RFX3: variants seen among roughly 807,000 people sequenced by gnomAD.
RFX3 encodes regulatory factor X3.
Under a neutral mutation model 98.6 loss-of-function variants are expected in RFX3, and 14 were observed. That is an observed-to-expected ratio of 0.14 (90% CI 0.09 to 0.22). The LOEUF is 0.22. Ranked by LOEUF, RFX3 falls within the 10% of genes least tolerant of loss-of-function variation. The pLI is 1.00. For synonymous variants in RFX3, 383 were observed against 328.4 expected (o/e 1.17, Z -1.80); for missense variants, 639 against 926.9 (o/e 0.69, Z 4.03).
intron 14 of RFX3, among the ~76,000 whole-genome samples, chr9:3,250,217 A>C: frequency 6.6e-6 from 1 of 152,022 alleles, no homozygotes; most frequent in East Asian, 1.9e-4. Flanking sequence ...ACCCATACTA[A>C]CAAAGACTTG....
At chr9:3,328,374 G>A (rs1405323075) in intron 4 of RFX3, among the ~76,000 whole-genome samples, 1 of 152,032 alleles carries the variant, frequency 6.6e-6, no homozygotes, top group African/African-American at 2.4e-5. Context: ...AAGCTAGGAG[G>A]AAACTAGGAA....
intron 6 of RFX3, among the ~76,000 whole-genome samples, chr9:3,289,497 T>G (rs1827059674): frequency 6.6e-6 from 1 of 152,020 alleles, no homozygotes; most frequent in South Asian, 2.1e-4. Flanking sequence ...ATACCCAATT[T>G]GTGGCGTTCT....
At chr9:3,426,318 T>C (rs995158507) in intron 1 of RFX3, among the ~76,000 whole-genome samples, 6 of 151,920 alleles carry the variant, frequency 3.9e-5, no homozygotes, top group Non-Finnish European at 8.8e-5. Flanking sequence ...TCATCTCAAA[T>C]ACCTATCTTT....
chr9:3,433,822 G>T (rs983116919), intron 1 of RFX3, among the ~76,000 whole-genome samples: 5 of 152,162 alleles, frequency 3.3e-5, no homozygotes, highest in African/African-American at 1.2e-4. Context: ...AATATTTTAG[G>T]CTTTGTGGGC....
At chr9:3,493,499 A>G (rs1483937884) in intron 1 of RFX3, among the ~76,000 whole-genome samples, 2 of 151,816 alleles carry the variant, frequency 1.3e-5, no homozygotes, top group Non-Finnish European at 2.9e-5. Context: ...TCTGGCTAAC[A>G]TGGTGAAACC....
chr9:3,482,159 A>G (rs1357160223), intron 1 of RFX3, among the ~76,000 whole-genome samples: 2 of 152,048 alleles, frequency 1.3e-5, no homozygotes, highest in African/African-American at 2.4e-5. Flanking sequence ...TGATACATAC[A>G]TACAATGCTA....
At chr9:3,394,857 C>T in intron 2 of RFX3, 1 of 985,226 alleles carries the variant, frequency 1.0e-6, no homozygotes, top group Non-Finnish European at 1.2e-6. Context: ...TTGTCAGTAT[C>T]TTTCCAAACA....
At chr9:3,238,639 C>G (rs1170370755) in intron 15 of RFX3, among the ~76,000 whole-genome samples, 1 of 152,284 alleles carries the variant, frequency 6.6e-6, no homozygotes, top group East Asian at 1.9e-4. Context: ...CTCTTTTCAG[C>G]ATTCCATACT....
At chr9:3,515,370 C>T (rs940909298) in intron 1 of RFX3, among the ~76,000 whole-genome samples, 2 of 152,122 alleles carry the variant, frequency 1.3e-5, no homozygotes, top group African/African-American at 4.8e-5. Context: ...GAATGCCCGT[C>T]TTCACAAAAA....
At chr9:3,436,387 G>T (rs1845124785) in intron 1 of RFX3, among the ~76,000 whole-genome samples, 1 of 151,994 alleles carries the variant, frequency 6.6e-6, no homozygotes, top group Non-Finnish European at 1.5e-5. Flanking sequence ...TTGCAGGAGG[G>T]AAAAATTTTG....
intron 1 of RFX3, among the ~76,000 whole-genome samples, chr9:3,516,105 C>T (rs532570853): frequency 1.3e-5 from 2 of 152,058 alleles, no homozygotes; most frequent in South Asian, 2.1e-4. Context: ...CTGGAGCGCA[C>T]TGGCGTGATC....
intron 15 of RFX3, among the ~76,000 whole-genome samples, chr9:3,241,227 T>G (rs573547507): frequency 7.4e-5 from 11 of 149,256 alleles, no homozygotes; most frequent in South Asian, 4.2e-4. Flanking sequence ...GTTTTTTGTT[T>G]TTTTTTTTTT....
chr9:3,378,041 G>C (rs1471994890), intron 2 of RFX3, among the ~76,000 whole-genome samples: 1 of 152,100 alleles, frequency 6.6e-6, no homozygotes, highest in African/African-American at 2.4e-5. Context: ...AAATATTTAA[G>C]TATCCTGTTC....
Position 3,269,807 on chromosome 9 carries a change from G to C in RFX3, c.1357+564C>G, listed in dbSNP as rs557157313. 2.6e-5 allele frequency among the ~76,000 whole-genome samples: 4 copies of C among 152,108 alleles called. No homozygotes were observed. The South Asian group carries it at 6.2e-4, about 24-fold the overall frequency. On this transcript the variant is annotated intron_variant, in intron 11 of 16. Coordinates refer to ENST00000617270, the MANE Select transcript of RFX3 (RefSeq NM_001282116.2). ...CATCTGTAGTTCCTAACATGATGTA[G>C]GTGACAAAGTAAATGCTTTTATAAT...
At chr9:3,348,652 A>G (rs1224891434) in intron 2 of RFX3, among the ~76,000 whole-genome samples, 4 of 152,104 alleles carry the variant, frequency 2.6e-5, no homozygotes, top group Non-Finnish European at 5.9e-5. Context: ...ACAGTACTGA[A>G]AATGACTTTA....
At chr9:3,315,955 A>G (rs1275354385) in intron 4 of RFX3, among the ~76,000 whole-genome samples, 1 of 152,206 alleles carries the variant, frequency 6.6e-6, no homozygotes, top group Non-Finnish European at 1.5e-5. Context: ...TACAAAGAGG[A>G]GCTGGTACCA....
rs1418126656 is a variant in RFX3 at position 3,525,833 on chromosome 9, G to C, written c.-95C>G. 1 of 967,490 alleles carries C rather than the reference G, an allele frequency of 1.0e-6. No homozygotes were observed. The highest frequency in any genetic ancestry group is 1.8e-5 in the African/African-American group (1 of 56,822). 59.9% of individuals were successfully genotyped at this position (967,490 alleles called of 1,614,324 possible). On this transcript the variant is annotated 5_prime_UTR_variant, in exon 1 of 17. Coordinates refer to ENST00000617270, the MANE Select transcript of RFX3 (RefSeq NM_001282116.2). ...GGAGGAGGAAGAGGAGGAGGAGGAG[G>C]AGAGGAGTAGTTGTTGTTGATGGGT...
chr9:3,377,935 T>G (rs1838732444), intron 2 of RFX3, among the ~76,000 whole-genome samples: 1 of 152,214 alleles, frequency 6.6e-6, no homozygotes, highest in Admixed American at 6.5e-5. Context: ...TAAAAATATT[T>G]ACTTATAAAT....
intron 14 of RFX3, among the ~76,000 whole-genome samples, chr9:3,249,398 G>A (rs921307297): frequency 1.3e-5 from 2 of 151,944 alleles, no homozygotes; most frequent in Non-Finnish European, 2.9e-5. Context: ...TCATTTCCCC[G>A]AGATGTTTTT....
Sources: allele counts gnomAD v4.1 joint callset (sites outside exome capture counted in the v4.1 genomes callset), GRCh38; gene constraint gnomAD v4.1.1; transcripts MANE v1.5; gene names NCBI Gene and HGNC (gene_info 2026-07-23, HGNC 2026-07-21).